COPS3: variants seen among roughly 807,000 people sequenced by gnomAD.
COPS3 encodes COP9 signalosome subunit 3, also known as COP9 signalosome complex subunit 3.
Under a neutral mutation model 58.2 loss-of-function variants are expected in COPS3, and 10 were observed. The observed-to-expected ratio is 0.17, with a 90% CI of 0.11 to 0.29. The LOEUF (loss-of-function observed/expected upper bound fraction) is 0.29. Ranked by LOEUF, COPS3 falls within the 10% of genes least tolerant of loss-of-function variation. The pLI, the probability that COPS3 is intolerant of heterozygous loss-of-function variation, is 1.00. For missense variants in COPS3, 333 were observed against 510.1 expected (o/e 0.65, Z 3.34); for synonymous variants, 187 against 181.7 (o/e 1.03, Z -0.24).
chr17:17,262,739 A>T lies in COPS3; in HGVS notation c.622-633T>A, dbSNP rs533302690. ...AGCGAGACTCCGTCTCAAAAAAAAA[A>T]ATATTTTTTGTAGAAATGGAGTCTC... is the stretch of plus-strand genomic sequence containing the variant. On this transcript the variant is annotated intron_variant, in intron 6 of 11. Coordinates refer to ENST00000268717, the MANE Select transcript of COPS3 (RefSeq NM_003653.4). Among the ~76,000 whole-genome samples, 113 of 151,180 alleles carry T rather than the reference A, an allele frequency of 7.5e-4. 1 individual carries two copies. Among genetic ancestry groups the T allele is most frequent in the Middle Eastern group, 3.4e-3 (1 of 292 alleles).
chr17:17,254,530 G>A (rs2047919412), intron 9 of COPS3, among the ~76,000 whole-genome samples: 3 of 152,142 alleles, frequency 2.0e-5, no homozygotes, highest in Admixed American at 2.0e-4. Context: ...TGAAAATCAA[G>A]GCCAGGCACG....
intron 9 of COPS3, among the ~76,000 whole-genome samples, chr17:17,252,867 T>C (rs1420159139): frequency 1.3e-5 from 2 of 152,208 alleles, no homozygotes; most frequent in Middle Eastern, 3.2e-3. Flanking sequence ...GGTGTGTGCA[T>C]GTTTTGAATG....
At chr17:17,251,991 C>G (rs2047856760) in intron 9 of COPS3, among the ~76,000 whole-genome samples, 1 of 151,870 alleles carries the variant, frequency 6.6e-6, no homozygotes, top group African/African-American at 2.4e-5. Flanking sequence ...ATGGCGTGAA[C>G]CTGGGAGGTG....
intron 9 of COPS3, among the ~76,000 whole-genome samples, 155 bp from the exon 10 acceptor site, chr17:17,249,194 T>C (rs1173277078): frequency 2.6e-5 from 4 of 152,220 alleles, no homozygotes; most frequent in Non-Finnish European, 4.4e-5. Context: ...CAAGTATTTA[T>C]TAAATACCTA....
In COPS3 at chr17:17,261,998, A is replaced by C. The variant is rs775403442; in HGVS notation, c.730T>G (p.Tyr244Asp). 2 of 1,596,688 alleles carry C rather than the reference A, an allele frequency of 1.3e-6. No individual in the cohort carries two copies. Among genetic ancestry groups the C allele is most frequent in the Non-Finnish European group, 1.7e-6 (2 of 1,169,664 alleles). Residue 244 changes from tyrosine to aspartate, a missense_variant, in exon 7 of 12, where the codon TAT (tyrosine) becomes GAT (aspartate). Coordinates refer to ENST00000268717, the MANE Select transcript of COPS3 (RefSeq NM_003653.4). ...LLGKVQQLPK[Y>D]TSQIVGRFIK... ...AATCTACCCACAATTTGAGATGTATATTTTGGTAGCTGTTGTACTTTGCCA... is the reference window on the plus strand; with the variant it reads ...AATCTACCCACAATTTGAGATGTATCTTTTGGTAGCTGTTGTACTTTGCCA...
intron 6 of COPS3, among the ~76,000 whole-genome samples, chr17:17,263,495 A>AC: frequency 7.5e-6 from 1 of 132,472 alleles, no homozygotes; most frequent in Middle Eastern, 5.3e-3. Context: ...CACCTCACCC[A>AC]GCCTCTTGCC....
intron 11 of COPS3, 58 bp downstream of exon 11, chr17:17,247,422 G>T: frequency 6.7e-7 from 1 of 1,490,532 alleles, no homozygotes; most frequent in Non-Finnish European, 9.4e-7. Context: ...TGCCTGATGT[G>T]ACAACACCCC....
chr17:17,248,062 C>T (rs1007387626), intron 10 of COPS3, among the ~76,000 whole-genome samples: 5 of 152,234 alleles, frequency 3.3e-5, no homozygotes, highest in African/African-American at 7.2e-5. Flanking sequence ...TAAAGGGGAC[C>T]GTCAGGGAGG....
At chr17:17,249,383 G>T (rs1685020104) in intron 9 of COPS3, among the ~76,000 whole-genome samples, 1 of 152,070 alleles carries the variant, frequency 6.6e-6, no homozygotes, top group South Asian at 2.1e-4. Context: ...GAGTGCAGTG[G>T]TGCGTTCTTG....
chr17:17,278,010 T>C (rs1232850468), intron 1 of COPS3, among the ~76,000 whole-genome samples: 2 of 152,176 alleles, frequency 1.3e-5, no homozygotes, highest in Non-Finnish European at 2.9e-5. Context: ...GGCACACACC[T>C]GTAATCCCAG....
intron 9 of COPS3, 42 bp downstream of exon 9, chr17:17,254,814 GAAA>G (rs71152853): frequency 6.5e-4 from 531 of 821,404 alleles, no homozygotes; most frequent in Middle Eastern, 1.7e-3. Context: ...ATCTCAAAAA[GAAA>G]AAAAAAAAAA....
chr17:17,256,594 C>G (rs1331197174), intron 8 of COPS3, among the ~76,000 whole-genome samples: 1 of 152,020 alleles, frequency 6.6e-6, no homozygotes, highest in Non-Finnish European at 1.5e-5. Context: ...TTAAAACCCT[C>G]ATCTTGAAAA....
At chr17:17,263,700 G>A (rs1453205390) in intron 6 of COPS3, among the ~76,000 whole-genome samples, 2 of 151,252 alleles carry the variant, frequency 1.3e-5, no homozygotes, top group East Asian at 3.9e-4. Flanking sequence ...TTTTAGTAGA[G>A]ATGGGGTTTC....
At chr17:17,259,902 A>G (rs576132974) in intron 8 of COPS3, among the ~76,000 whole-genome samples, 3 of 148,374 alleles carry the variant, frequency 2.0e-5, no homozygotes, top group South Asian at 2.1e-4. Flanking sequence ...TCAAGAGAGA[A>G]AAAAAAAAAA....
intron 2 of COPS3, among the ~76,000 whole-genome samples, chr17:17,271,998 T>C (rs2048364223): frequency 6.6e-6 from 1 of 150,964 alleles, no homozygotes; most frequent in South Asian, 2.1e-4. Flanking sequence ...TGAAGCCAAA[T>C]AGGCTGGGCA....
At chr17:17,274,384 C>G (rs2048414753) in intron 2 of COPS3, among the ~76,000 whole-genome samples, 1 of 150,340 alleles carries the variant, frequency 6.7e-6, no homozygotes, top group African/African-American at 2.4e-5. Flanking sequence ...TAGATGGAAG[C>G]AGATAAACCA....
intron 5 of COPS3, 143 bp downstream of exon 5, chr17:17,267,742 A>C (rs1330870631): frequency 3.0e-6 from 2 of 655,892 alleles, no homozygotes; most frequent in Non-Finnish European, 4.8e-6. Context: ...GCCTGAATGT[A>C]ATAGATGTAC....
Position 17,254,934 on chromosome 17 carries a change from A to C in COPS3, c.948T>G (p.Thr316=), listed in dbSNP as rs2047933872. Residue 316 remains threonine, a synonymous_variant, in exon 9 of 12, where the codon ACT becomes ACG. Transcript: ENST00000268717. The part of the protein sequence containing the change: ...NIQRLTKTFL[T]LSLQDMASRV... ...GACTTGCCATATCTTGTAATGATAGAGTTAAAAAGGTCTGAAAGTCAGAAG... is the reference window on the plus strand; with the variant it reads ...GACTTGCCATATCTTGTAATGATAGCGTTAAAAAGGTCTGAAAGTCAGAAG... 3 of 1,612,500 alleles carry C rather than the reference A, an allele frequency of 1.9e-6. No individual in the cohort carries two copies. In the Admixed American group the frequency reaches 5.0e-5, roughly 27 times the overall value.
intron 1 of COPS3, chr17:17,280,898 C>G (rs1398908972): frequency 1.0e-6 from 1 of 957,828 alleles, no homozygotes. Context: ...GGAGGGGGCT[C>G]CCGGCGGCCC....
Sources: gnomAD v4.1 joint callset for allele counts (sites outside exome capture counted in the v4.1 genomes callset) on GRCh38, gnomAD v4.1.1 for gene constraint, MANE v1.5 for transcripts, NCBI Gene and HGNC (gene_info 2026-07-23, HGNC 2026-07-21) for gene names.